The following RFX4 variants were observed in gnomAD, a reference collection of about 807,000 sequenced individuals.
RFX4 encodes the protein transcription factor RFX4.
Under a neutral mutation model 95.0 loss-of-function variants are expected in RFX4, and 10 were observed. The observed-to-expected ratio is 0.11, with a 90% CI of 0.06 to 0.18. The LOEUF (loss-of-function observed/expected upper bound fraction) is 0.18. Among genes scored for constraint, RFX4 ranks in the 10% least tolerant of loss-of-function variants. The pLI is 1.00. For missense variants in RFX4, 640 were observed against 922.0 expected, an observed-to-expected ratio of 0.69 and a Z score of 3.96; for synonymous variants, 321 against 340.7, an observed-to-expected ratio of 0.94 and a Z score of 0.64.
chr12:106,603,449 T>G (rs1374726118), intron 1 of RFX4, among the ~76,000 whole-genome samples: 1 of 152,242 alleles, frequency 6.6e-6, no homozygotes, highest in East Asian at 1.9e-4. Flanking sequence ...CTCTAAGGTA[T>G]GTGGGCTGAA....
intron 13 of RFX4, among the ~76,000 whole-genome samples, chr12:106,726,202 CGT>C (rs2042492706): frequency 6.8e-6 from 1 of 147,448 alleles, no homozygotes; most frequent in African/African-American, 2.5e-5. Flanking sequence ...GAGCTGAGAT[CGT>C]GCCACTGCAC....
Position 106,629,924 on chromosome 12 carries a change from G to A in RFX4, c.131-9408G>A, listed in dbSNP as rs117560963. 6.9e-3 allele frequency among the ~76,000 whole-genome samples: 1,051 copies of A among 152,310 alleles called. 38 individuals are homozygous for A. The highest frequency in any genetic ancestry group is 0.058 in the Admixed American group (887 of 15,292). ...CCCCCTGCAAGGTCGGAGGGTGCCTGTTTCTCATAGCTTCACAGCAGAGTT... is the reference window on the plus strand; with the variant it reads ...CCCCCTGCAAGGTCGGAGGGTGCCTATTTCTCATAGCTTCACAGCAGAGTT... On this transcript the variant is annotated intron_variant, in intron 2 of 17. Transcript: ENST00000392842.
chr12:106,587,368 T>C (rs2039474819), intron 1 of RFX4, among the ~76,000 whole-genome samples: 1 of 152,066 alleles, frequency 6.6e-6, no homozygotes, highest in Non-Finnish European at 1.5e-5. Flanking sequence ...AAGCAAAATA[T>C]TATGAGTGCA....
At chr12:106,712,472 G>A (rs2042209295) in intron 10 of RFX4, among the ~76,000 whole-genome samples, 1 of 152,146 alleles carries the variant, frequency 6.6e-6, no homozygotes, top group South Asian at 2.1e-4. Context: ...TCTGTTTGCA[G>A]CCTCTCCTTT....
At chr12:106,624,922 CG>C (rs1565954650) in intron 2 of RFX4, among the ~76,000 whole-genome samples, 1 of 152,104 alleles carries the variant, frequency 6.6e-6, no homozygotes, top group East Asian at 1.9e-4. Flanking sequence ...AATGCCTTCT[CG>C]GGGTGTGATT....
chr12:106,719,906 C>A, intron 11 of RFX4, 54 bp from the exon 12 acceptor site: 1 of 1,364,896 alleles, frequency 7.3e-7, no homozygotes, highest in Non-Finnish European at 1.0e-6. Context: ...TAAGACGTAG[C>A]TCTTGTTAAA....
chr12:106,589,564 T>A (rs1025148321), intron 1 of RFX4, among the ~76,000 whole-genome samples: 1 of 152,212 alleles, frequency 6.6e-6, no homozygotes, highest in Non-Finnish European at 1.5e-5. Context: ...GTCTGGAACC[T>A]GCCTGAGGTC....
At chr12:106,747,373 A>G in intron 15 of RFX4, 64 bp from the exon 16 acceptor site, 1 of 1,567,718 alleles carries the variant, frequency 6.4e-7, no homozygotes, top group Non-Finnish European at 8.7e-7. Flanking sequence ...AAGCCACTAA[A>G]GTAAGGAAGA....
intron 3 of RFX4, among the ~76,000 whole-genome samples, chr12:106,643,911 C>T (rs944068716): frequency 1.3e-5 from 2 of 152,170 alleles, no homozygotes; most frequent in African/African-American, 2.4e-5. Flanking sequence ...CATGTGTGTG[C>T]ATGTGTGCAC....
At chr12:106,590,371 C>G (rs779922880) in intron 1 of RFX4, among the ~76,000 whole-genome samples, 31 of 152,174 alleles carry the variant, frequency 2.0e-4, no homozygotes, top group Non-Finnish European at 4.4e-4. Flanking sequence ...CACAACAATC[C>G]TATTAAGAAG....
chr12:106,761,586 C>A lies in RFX4; in HGVS notation c.*117C>A. Reference sequence around the variant, plus strand: ...ATACATTGTAACTCATGGGCTATTCCTAAGTGCCCATTTTCCTAATGAACA... The same window carrying A: ...ATACATTGTAACTCATGGGCTATTCATAAGTGCCCATTTTCCTAATGAACA... On this transcript the variant is annotated 3_prime_UTR_variant, in exon 18 of 18. Transcript: ENST00000392842. 1 of 703,666 alleles carries A rather than the reference C, an allele frequency of 1.4e-6. No individual in the cohort carries two copies. The highest frequency in any genetic ancestry group is 1.9e-6 in the Non-Finnish European group (1 of 525,770). 43.6% of individuals were successfully genotyped at this position (703,666 alleles called of 1,614,324 possible).
intron 2 of RFX4, among the ~76,000 whole-genome samples, chr12:106,637,966 T>C (rs968605054): frequency 6.6e-6 from 1 of 152,166 alleles, no homozygotes; most frequent in African/African-American, 2.4e-5. Context: ...ATTCTTCTTA[T>C]TAATAGACAT....
intron 1 of RFX4, among the ~76,000 whole-genome samples, chr12:106,587,247 G>A (rs1055502338): frequency 3.9e-5 from 6 of 152,218 alleles, no homozygotes; most frequent in African/African-American, 1.4e-4. Context: ...AAGTTTGCAG[G>A]GGCCGCCCGG....
chr12:106,701,177 T>C (rs966898742), intron 8 of RFX4, among the ~76,000 whole-genome samples: 1 of 152,270 alleles, frequency 6.6e-6, no homozygotes, highest in African/African-American at 2.4e-5. Flanking sequence ...TTTTCACTTT[T>C]GGCATTTTAA....
chr12:106,628,060 A>G (rs56086971), intron 2 of RFX4, among the ~76,000 whole-genome samples: 25,984 of 152,080 alleles, frequency 0.17, 2,488 homozygotes, highest in African/African-American at 0.26. Context: ...GCTGGCTGGC[A>G]CGGCCCCAGT....
At chr12:106,675,160 G>A (rs763171401) in intron 4 of RFX4, among the ~76,000 whole-genome samples, 1 of 152,196 alleles carries the variant, frequency 6.6e-6, no homozygotes, top group Non-Finnish European at 1.5e-5. Context: ...GCCAGGCACC[G>A]TAGTTCTGGC....
chr12:106,738,366 T>G (rs1163005694), intron 15 of RFX4, among the ~76,000 whole-genome samples: 2 of 151,578 alleles, frequency 1.3e-5, no homozygotes, highest in East Asian at 3.9e-4. Context: ...GAGGGAAGAG[T>G]GTGAAAGAAA....
chr12:106,739,048 C>T (rs942045733), intron 15 of RFX4, among the ~76,000 whole-genome samples: 1 of 151,400 alleles, frequency 6.6e-6, no homozygotes, highest in Admixed American at 6.6e-5. Flanking sequence ...ACTTATATAT[C>T]CCATCTACTT....
intron 10 of RFX4, 31 bp downstream of exon 10, chr12:106,711,542 C>T: frequency 6.2e-7 from 1 of 1,600,644 alleles, no homozygotes. Context: ...GTTTTAATCA[C>T]TGCTGAGTCA....
Sources: allele counts gnomAD v4.1 joint callset (sites outside exome capture counted in the v4.1 genomes callset), GRCh38; gene constraint gnomAD v4.1.1; transcripts MANE v1.5; gene names NCBI Gene and HGNC (gene_info 2026-07-23, HGNC 2026-07-21).